GRIA1: variants seen among roughly 807,000 people sequenced by gnomAD.
GRIA1 encodes the protein glutamate receptor 1.
A neutral mutation model predicts 99.2 loss-of-function variants in GRIA1; 31 were observed. The observed-to-expected ratio is 0.31, with a 90% CI of 0.23 to 0.42. GRIA1 has a LOEUF of 0.42. Ranked by LOEUF, GRIA1 falls within the 10% of genes least tolerant of loss-of-function variation. The pLI, the probability that GRIA1 is intolerant of heterozygous loss-of-function variation, is 1.00. For missense variants in GRIA1, 782 were observed against 1,157.5 expected (o/e 0.68, Z 4.71); for synonymous variants, 438 against 432.4 (o/e 1.01, Z -0.16).
chr5:153,779,123 A>G (rs986701264), intron 13 of GRIA1, among the ~76,000 whole-genome samples: 6 of 152,164 alleles, frequency 3.9e-5, no homozygotes, highest in African/African-American at 1.4e-4. Flanking sequence ...GTTTTATACC[A>G]ATGATGTGCT....
At chr5:153,703,313 G>T (rs1279221549) in intron 10 of GRIA1, among the ~76,000 whole-genome samples, 1 of 152,164 alleles carries the variant, frequency 6.6e-6, no homozygotes, top group African/African-American at 2.4e-5. Flanking sequence ...TCAGTGCATT[G>T]TGGTCATCTA....
intron 2 of GRIA1, among the ~76,000 whole-genome samples, chr5:153,569,351 G>A (rs2149360943): frequency 6.6e-6 from 1 of 152,342 alleles, no homozygotes; most frequent in Non-Finnish European, 1.5e-5. Flanking sequence ...AGCCAGCCAT[G>A]GGTAAGCAGT....
At chr5:153,645,759 T>A (rs1020308469) in intron 2 of GRIA1, among the ~76,000 whole-genome samples, 1 of 152,136 alleles carries the variant, frequency 6.6e-6, no homozygotes, top group Non-Finnish European at 1.5e-5. Context: ...ACAGGTGATA[T>A]GGTAAAAAGA....
At chr5:153,580,823 C>T (rs896452551) in intron 2 of GRIA1, among the ~76,000 whole-genome samples, 2 of 152,144 alleles carry the variant, frequency 1.3e-5, no homozygotes, top group African/African-American at 4.8e-5. Context: ...GCTCAGGTTC[C>T]TGCTGCTATC....
chr5:153,679,672 C>T (rs1440106527), intron 7 of GRIA1, among the ~76,000 whole-genome samples: 2 of 152,218 alleles, frequency 1.3e-5, no homozygotes, highest in African/African-American at 4.8e-5. Context: ...AATAGCCATG[C>T]CACCAGGGAG....
chr5:153,692,101 C>G (rs1757807178), intron 8 of GRIA1, among the ~76,000 whole-genome samples: 2 of 152,128 alleles, frequency 1.3e-5, no homozygotes, highest in Admixed American at 1.3e-4. Context: ...ATATGCTATT[C>G]CTTTACCTGG....
intron 15 of GRIA1, among the ~76,000 whole-genome samples, chr5:153,804,537 C>A (rs1265192481): frequency 2.0e-5 from 3 of 152,142 alleles, no homozygotes; most frequent in Non-Finnish European, 4.4e-5. Context: ...GCCAGAGGCC[C>A]AGAGTTGGCC....
intron 11 of GRIA1, among the ~76,000 whole-genome samples, chr5:153,724,711 G>T (rs879437421): frequency 3.0e-4 from 45 of 152,288 alleles, no homozygotes; most frequent in Non-Finnish European, 5.3e-4. Flanking sequence ...AGAATAAAAA[G>T]AAATGAACAA....
chr5:153,582,987 G>A (rs767929228), intron 2 of GRIA1, among the ~76,000 whole-genome samples: 4 of 151,942 alleles, frequency 2.6e-5, no homozygotes, highest in South Asian at 4.2e-4. Context: ...TGGTAGAGAC[G>A]GGGTTTCATC....
At chr5:153,493,379 C>T (rs922010544) in intron 1 of GRIA1, among the ~76,000 whole-genome samples, 6 of 152,176 alleles carry the variant, frequency 3.9e-5, no homozygotes, top group Non-Finnish European at 8.8e-5. Flanking sequence ...AGTTAAATTG[C>T]ATGCAGGTCT....
At chr5:153,627,769 A>G (rs1370450782) in intron 2 of GRIA1, among the ~76,000 whole-genome samples, 1 of 152,202 alleles carries the variant, frequency 6.6e-6, no homozygotes. Flanking sequence ...CAATTGTTCA[A>G]TGACTCTGAC....
chr5:153,723,937 C>T (rs1400956408), intron 11 of GRIA1, among the ~76,000 whole-genome samples: 3 of 152,220 alleles, frequency 2.0e-5, no homozygotes, highest in Non-Finnish European at 4.4e-5. Context: ...GGGCAGACTG[C>T]CTCCTCAAGT....
At position 153,530,830 on chromosome 5, in the gene GRIA1, C is replaced by A. The variant is rs898254670; in HGVS notation, c.220+36765C>A. Among the ~76,000 whole-genome samples the A allele has an allele frequency of 8.5e-5, 13 of 152,314 alleles. No homozygotes were observed. The South Asian group carries it at 2.5e-3, about 29-fold the overall frequency. On this transcript the variant is annotated intron_variant, in intron 2 of 15. Coordinates refer to ENST00000285900, the MANE Select transcript of GRIA1 (RefSeq NM_000827.4). ...AAGTAACTTGATCTAACCAGCCATA[C>A]CTTTCAGAAAATATTCCAAAAATAG...
Position 153,493,112 on chromosome 5 carries a change from G to A in GRIA1, c.83-816G>A, listed in dbSNP as rs138245114. On this transcript the variant is annotated intron_variant, in intron 1 of 15. Transcript: ENST00000285900. ...GGTAAGCCATGGACTCTTGTTTCTC[G>A]GAACAGGCATCCCATCAGGCACCTT... Among the ~76,000 whole-genome samples, 949 of 152,188 alleles carry A rather than the reference G, an allele frequency of 6.2e-3. 8 individuals are homozygous for A. Among genetic ancestry groups the A allele is most frequent in the African/African-American group, 0.021 (887 of 41,508 alleles).
At chr5:153,637,800 C>G (rs1017151683) in intron 2 of GRIA1, among the ~76,000 whole-genome samples, 7 of 152,106 alleles carry the variant, frequency 4.6e-5, no homozygotes, top group African/African-American at 1.7e-4. Flanking sequence ...ATCTTCCAGA[C>G]CTGTGGATGC....
At chr5:153,496,472 G>A (rs1754438199) in intron 2 of GRIA1, among the ~76,000 whole-genome samples, 1 of 152,176 alleles carries the variant, frequency 6.6e-6, no homozygotes, top group South Asian at 2.1e-4. Flanking sequence ...CATTGTTATG[G>A]GGATTATCTG....
chr5:153,489,929 T>G (rs1380943850), upstream of GRIA1: 8 of 447,532 alleles, frequency 1.8e-5, no homozygotes, highest in Non-Finnish European at 9.0e-6. Flanking sequence ...GGGCCCATTT[T>G]AAATGCCTAG....
intron 11 of GRIA1, among the ~76,000 whole-genome samples, chr5:153,720,281 G>A (rs1434158884): frequency 6.6e-6 from 1 of 152,134 alleles, no homozygotes; most frequent in Non-Finnish European, 1.5e-5. Context: ...ATTTTTTAAA[G>A]GACTAATGTT....
intron 2 of GRIA1, among the ~76,000 whole-genome samples, chr5:153,589,269 T>C (rs185524323): frequency 9.2e-5 from 14 of 152,228 alleles, no homozygotes; most frequent in Admixed American, 5.2e-4. Flanking sequence ...AGAAGCAATA[T>C]CTATTCTGTG....
Sources: gnomAD v4.1 joint callset for allele counts (sites outside exome capture counted in the v4.1 genomes callset) on GRCh38, gnomAD v4.1.1 for gene constraint, MANE v1.5 for transcripts, NCBI Gene and HGNC (gene_info 2026-07-23, HGNC 2026-07-21) for gene names.